Variants in STK4 observed in about 807,000 individuals in gnomAD.
STK4 encodes the protein serine/threonine kinase 4.
A neutral mutation model predicts 64.9 loss-of-function variants in STK4; 30 were observed. The observed-to-expected ratio is 0.46, with a 90% CI of 0.35 to 0.63. The LOEUF (loss-of-function observed/expected upper bound fraction) is 0.63, where lower values mean the gene tolerates loss of function less well. STK4 is among the 20% of genes least tolerant of loss of function. The pLI, the probability that STK4 is intolerant of heterozygous loss-of-function variation, is 0.01. For synonymous variants in STK4, 177 were observed against 199.0 expected (o/e 0.89, Z 0.93); for missense variants, 466 against 598.5 (o/e 0.78, Z 2.31).
intron 4 of STK4, among the ~76,000 whole-genome samples, chr20:44,982,953 A>G (rs888272489): frequency 1.3e-5 from 2 of 151,944 alleles, no homozygotes; most frequent in African/African-American, 4.9e-5. Context: ...CTGGTGGGCT[A>G]TTTTAGAGTA....
chr20:45,005,665 A>AC lies in STK4; in HGVS notation c.1147+4312_1147+4313insC, dbSNP rs1233360037. On this transcript the variant is annotated intron_variant, in intron 9 of 10. Coordinates refer to ENST00000372806, the MANE Select transcript of STK4 (RefSeq NM_006282.5). ...TCTGTCTCAAAAAAAAAAAAAAAAA[A>AC]AACAAAACGTTAGCTACTATAATCA... Among the ~76,000 whole-genome samples the AC allele has an allele frequency of 3.9e-3, 588 of 151,538 alleles. 4 individuals are homozygous for AC. Among genetic ancestry groups the AC allele is most frequent in the African/African-American group, 0.014 (569 of 41,258 alleles).
At chr20:45,053,174 C>A (rs747526312) in intron 10 of STK4, 1 of 1,610,066 alleles carries the variant, frequency 6.2e-7, no homozygotes. Flanking sequence ...TTCTGAGAAA[C>A]CACATGGTAA....
intron 2 of STK4, among the ~76,000 whole-genome samples, chr20:44,976,598 G>C (rs1278806043): frequency 1.3e-5 from 2 of 152,208 alleles, no homozygotes; most frequent in Non-Finnish European, 1.5e-5. Context: ...AGGGAAAGCT[G>C]TTGTCAATCC....
intron 9 of STK4, among the ~76,000 whole-genome samples, chr20:45,009,118 T>C (rs969249992): frequency 4.3e-4 from 66 of 152,212 alleles, no homozygotes; most frequent in African/African-American, 1.6e-3. Context: ...CCAAGGCCAA[T>C]GTTGTGAAGG....
chr20:44,966,718 G>A, intron 1 of STK4, 115 bp downstream of exon 1: 1 of 1,166,358 alleles, frequency 8.6e-7, no homozygotes, highest in African/African-American at 1.6e-5. Flanking sequence ...CCAGCCGATG[G>A]GGCACCTGCT....
At chr20:45,002,878 G>A (rs1417040941) in intron 9 of STK4, among the ~76,000 whole-genome samples, 1 of 151,434 alleles carries the variant, frequency 6.6e-6, no homozygotes, top group African/African-American at 2.4e-5. Context: ...GACATGCTAT[G>A]ACATCAGTGG....
chr20:44,991,919 G>A (rs573840420), intron 5 of STK4, among the ~76,000 whole-genome samples: 7 of 152,120 alleles, frequency 4.6e-5, no homozygotes, highest in East Asian at 1.9e-4. Context: ...CCCCCTTGGC[G>A]TGCCAAAGTG....
intron 10 of STK4, among the ~76,000 whole-genome samples, chr20:45,038,289 G>A (rs2068558351): frequency 6.6e-6 from 1 of 151,092 alleles, no homozygotes; most frequent in African/African-American, 2.4e-5. Flanking sequence ...AATATTTCAT[G>A]TGTATTTATA....
At chr20:45,049,935 C>T (rs1330573862) in intron 10 of STK4, among the ~76,000 whole-genome samples, 1 of 152,184 alleles carries the variant, frequency 6.6e-6, no homozygotes, top group African/African-American at 2.4e-5. Flanking sequence ...ACACTGTTCA[C>T]CTGGGCCTAA....
At position 44,993,911 on chromosome 20, in the gene STK4, G is replaced by A. The variant is rs530146909; in HGVS notation, c.526-1179G>A. On this transcript the variant is annotated intron_variant, in intron 5 of 10. Transcript: ENST00000372806. ...GGAGAGTCGCTTGAACCCCAGGGGC[G>A]GAGGTTGCAGTGAGCCAAGATTGTG... Among the ~76,000 whole-genome samples the A allele has an allele frequency of 8.3e-4, 126 of 151,996 alleles. 1 individual carries two copies. Among genetic ancestry groups the A allele is most frequent in the South Asian group, 4.1e-3 (20 of 4,822 alleles).
At chr20:44,979,216 C>T (rs78834606) in intron 3 of STK4, among the ~76,000 whole-genome samples, 3,817 of 152,082 alleles carry the variant, frequency 0.025, 140 homozygotes, top group African/African-American at 0.082. Context: ...ATTGAGAAAA[C>T]ATTTCTGCAG....
chr20:45,020,555 C>T (rs894375207), intron 9 of STK4, among the ~76,000 whole-genome samples: 7 of 151,564 alleles, frequency 4.6e-5, no homozygotes, highest in African/African-American at 1.5e-4. Context: ...TGTAAACCAC[C>T]CTAAAATTTA....
intron 10 of STK4, among the ~76,000 whole-genome samples, chr20:45,060,856 A>G (rs1323010873): frequency 6.6e-6 from 1 of 152,162 alleles, no homozygotes; most frequent in Non-Finnish European, 1.5e-5. Flanking sequence ...CTCCACAACT[A>G]GCGTGAAGGG....
At chr20:44,967,094 G>GA in intron 1 of STK4, 1 of 968,908 alleles carries the variant, frequency 1.0e-6, no homozygotes, top group Non-Finnish European at 1.2e-6. Flanking sequence ...GCCTAAGGCT[G>GA]AAAGCATGCG....
At chr20:44,989,026 T>C (rs2067587340) in intron 5 of STK4, among the ~76,000 whole-genome samples, 1 of 152,230 alleles carries the variant, frequency 6.6e-6, no homozygotes, top group Non-Finnish European at 1.5e-5. Context: ...TGTTTACTTA[T>C]TCATTAGTTG....
intron 10 of STK4, among the ~76,000 whole-genome samples, chr20:45,040,814 A>G (rs1437096909): frequency 2.0e-5 from 3 of 152,056 alleles, no homozygotes; most frequent in African/African-American, 4.8e-5. Flanking sequence ...TCCAGTGTAG[A>G]TTGAATACTA....
Position 44,966,548 on chromosome 20 carries a change from TG to T in STK4, c.-18del. The T allele has an allele frequency of 7.9e-7, 1 of 1,265,450 alleles. No homozygotes were observed. The allele number at this position is 1,265,450 out of a possible 1,614,324, so 78.4% of individuals were successfully genotyped here. ...GGGAGGATGGAGCAGTGAGCGGGTCTGGGCGGCTGCTGGCAGCGCCATGGAG... is the reference window on the plus strand; with the variant it reads ...GGGAGGATGGAGCAGTGAGCGGGTCTGGCGGCTGCTGGCAGCGCCATGGAG... On this transcript the variant is annotated 5_prime_UTR_variant, in exon 1 of 11. Coordinates refer to ENST00000372806, the MANE Select transcript of STK4 (RefSeq NM_006282.5).
In STK4 at chr20:45,014,423, C is replaced by CAAAAT. The variant is rs769014647; in HGVS notation, c.1148-10529_1148-10525dup. On this transcript the variant is annotated intron_variant, in intron 9 of 10. Transcript: ENST00000372806. The stretch of plus-strand genomic sequence containing the variant: ...CCTGGGTGACAGAGCAAGACTGTCT[C>CAAAAT]AAAATAAAATAAAATAAAATAAAAT... 1.7e-4 allele frequency among the ~76,000 whole-genome samples: 26 copies of CAAAAT among 150,670 alleles called. 1 individual carries two copies. The highest frequency in any genetic ancestry group is 1.0e-3 in the South Asian group (5 of 4,776).
intron 4 of STK4, among the ~76,000 whole-genome samples, chr20:44,984,142 ATT>A (rs2145658116): frequency 6.9e-6 from 1 of 143,954 alleles, no homozygotes; most frequent in East Asian, 2.0e-4. Context: ...ATTTAAGTAA[ATT>A]TTAACTTAAT....
Sources: gnomAD v4.1 joint callset for allele counts (sites outside exome capture counted in the v4.1 genomes callset) on GRCh38, gnomAD v4.1.1 for gene constraint, MANE v1.5 for transcripts, NCBI Gene and HGNC (gene_info 2026-07-23, HGNC 2026-07-21) for gene names.